The following CDADC1 variants were observed in gnomAD, a reference collection of about 807,000 sequenced individuals.
CDADC1 encodes the protein dCTP deaminase.
CDADC1 carries 39 observed loss-of-function variants against 54.9 expected under a neutral mutation model. That is an observed-to-expected ratio of 0.71 (90% CI 0.55 to 0.93). The LOEUF is 0.93. Among genes scored for constraint, CDADC1 ranks in the 40% least tolerant of loss-of-function variants. The probability of loss-of-function intolerance (pLI) is 0.00; values close to 1 mark genes in which losing one functional copy is unlikely to be tolerated. For synonymous variants in CDADC1, 186 were observed against 204.0 expected (o/e 0.91, Z 0.75); for missense variants, 518 against 618.8 (o/e 0.84, Z 1.73).
intron 6 of CDADC1, among the ~76,000 whole-genome samples, chr13:49,277,887 T>G (rs923472645): frequency 6.6e-6 from 1 of 152,198 alleles, no homozygotes; most frequent in Non-Finnish European, 1.5e-5. Flanking sequence ...TATTTAAAAG[T>G]TTTTGACTTG....
chr13:49,284,072 T>G (rs371922228), intron 8 of CDADC1, among the ~76,000 whole-genome samples: 1 of 152,212 alleles, frequency 6.6e-6, no homozygotes, highest in African/African-American at 2.4e-5. Flanking sequence ...ACCATAGACC[T>G]TGAGATAAGT....
intron 2 of CDADC1, among the ~76,000 whole-genome samples, chr13:49,254,801 G>A (rs1952507626): frequency 1.3e-5 from 2 of 152,176 alleles, no homozygotes; most frequent in Non-Finnish European, 2.9e-5. Flanking sequence ...CATAAGCCCT[G>A]TGAGAGCTGC....
Position 49,251,808 on chromosome 13 carries a change from A to G in CDADC1, c.177+2843A>G, listed in dbSNP as rs144672430. Among the ~76,000 whole-genome samples the G allele has an allele frequency of 1.0e-3, 155 of 152,140 alleles. 1 individual carries two copies. The highest frequency in any genetic ancestry group is 3.5e-3 in the African/African-American group (147 of 41,476). On this transcript the variant is annotated intron_variant, in intron 2 of 9. Coordinates refer to ENST00000251108, the MANE Select transcript of CDADC1 (RefSeq NM_030911.4). ...CTATATTAGCAACAAAATTTTATAC[A>G]ACTTTATATCATGTTTAACAAAAGA...
intron 9 of CDADC1, among the ~76,000 whole-genome samples, chr13:49,288,208 C>T (rs1029625388): frequency 7.9e-5 from 12 of 152,158 alleles, no homozygotes; most frequent in Admixed American, 4.6e-4. Context: ...ATGATGGTTA[C>T]ATATGTTTGC....
Position 49,286,293 on chromosome 13 carries a change from A to T in CDADC1, c.1471+11A>T. 1 of 1,601,434 alleles carries T rather than the reference A, an allele frequency of 6.2e-7. No homozygotes were observed. Among genetic ancestry groups the T allele is most frequent in the Non-Finnish European group, 8.6e-7 (1 of 1,168,488 alleles). Reference sequence around the variant, plus strand: ...CTGAAAGGAGAGAAAGTAAGTATTTATGTATTGAGGTGAACTTTGTTGCTG... The same window carrying T: ...CTGAAAGGAGAGAAAGTAAGTATTTTTGTATTGAGGTGAACTTTGTTGCTG... On this transcript the variant is annotated intron_variant, in intron 9 of 9. Coordinates refer to ENST00000251108, the MANE Select transcript of CDADC1 (RefSeq NM_030911.4).
chr13:49,289,333 G>A (rs1313888410), intron 9 of CDADC1, among the ~76,000 whole-genome samples: 1 of 151,898 alleles, frequency 6.6e-6, no homozygotes, highest in Non-Finnish European at 1.5e-5. Context: ...TCACCACGTT[G>A]GCTAGGCTAG....
chr13:49,290,105 A>C (rs1335286402), intron 9 of CDADC1, among the ~76,000 whole-genome samples: 2 of 151,832 alleles, frequency 1.3e-5, no homozygotes, highest in Non-Finnish European at 2.9e-5. Flanking sequence ...ATATACAGTA[A>C]AGTTATTGTT....
chr13:49,259,214 G>A, intron 3 of CDADC1, 132 bp from the exon 4 acceptor site: 1 of 668,960 alleles, frequency 1.5e-6, no homozygotes, highest in Non-Finnish European at 2.3e-6. Flanking sequence ...AATGAGAAAT[G>A]TGCTTTGTAC....
chr13:49,263,342 TTGG>T (rs1952729654), intron 4 of CDADC1, among the ~76,000 whole-genome samples: 1 of 152,288 alleles, frequency 6.6e-6, no homozygotes, highest in African/African-American at 2.4e-5. Context: ...TTTGATGGGA[TTGG>T]TGGTGATATT....
chr13:49,290,751 A>T (rs1026611323), intron 9 of CDADC1, among the ~76,000 whole-genome samples: 2 of 152,152 alleles, frequency 1.3e-5, no homozygotes, highest in Admixed American at 6.5e-5. Context: ...TGGGAGGCTG[A>T]GGTGGGAGGA....
At chr13:49,262,562 G>A (rs1298270703) in intron 4 of CDADC1, among the ~76,000 whole-genome samples, 4 of 151,876 alleles carry the variant, frequency 2.6e-5, no homozygotes, top group Admixed American at 1.3e-4. Flanking sequence ...ACAGAGTCTC[G>A]CTCTGTCACC....
rs774328823 is a variant in CDADC1 at position 49,280,624 on chromosome 13, G to A, written c.1336G>A (p.Val446Ile). Residue 446 changes from valine (V) to isoleucine (I), a missense_variant, in exon 8 of 10, where the codon GTA (valine) becomes ATA (isoleucine). By Grantham distance (29) the Val-to-Ile change is conservative. Transcript: ENST00000251108. ...AGIKQIYAGD[V>I]DVGKKKADIS... ...CATAAAACAAATCTATGCAGGAGAT[G>A]TAGATGTTGGAAAAAAGAAGGCAGA... 2 of 1,602,054 alleles carry A rather than the reference G, an allele frequency of 1.2e-6. No homozygotes were observed. Among genetic ancestry groups the A allele is most frequent in the Non-Finnish European group, 1.7e-6 (2 of 1,174,652 alleles).
At chr13:49,261,300 G>A (rs1346447062) in intron 4 of CDADC1, among the ~76,000 whole-genome samples, 1 of 152,170 alleles carries the variant, frequency 6.6e-6, no homozygotes, top group African/African-American at 2.4e-5. Flanking sequence ...CAAGTATTTC[G>A]AGCAGGTAGG....
Position 49,267,659 on chromosome 13 carries a change from GC to G in CDADC1, c.601del (p.Gln201SerfsTer3), listed in dbSNP as rs1952847604. ...LLQPLVCYMV[Q>X]FVEETSYKCD... ...TTCAACCTTTGGTGTGTTATATGGT[GC>G]AGTTTGTAGAGGAGACCTCTTACAA... On this transcript the variant is annotated frameshift_variant, in exon 5 of 10. Coordinates refer to ENST00000251108, the MANE Select transcript of CDADC1 (RefSeq NM_030911.4). LOFTEE classifies it high-confidence loss of function. 1.2e-6 allele frequency: 2 copies of G among 1,614,118 alleles called. No individual in the cohort carries two copies. The highest frequency in any genetic ancestry group is 1.7e-6 in the Non-Finnish European group (2 of 1,180,000).
intron 5 of CDADC1, among the ~76,000 whole-genome samples, chr13:49,270,803 CCTA>C (rs1347227783): frequency 6.6e-6 from 1 of 152,142 alleles, no homozygotes; most frequent in African/African-American, 2.4e-5. Flanking sequence ...TTATGGAACA[CCTA>C]CTATGTGTCA....
intron 7 of CDADC1, among the ~76,000 whole-genome samples, chr13:49,278,848 C>G (rs1953227624): frequency 6.6e-6 from 1 of 152,146 alleles, no homozygotes; most frequent in Non-Finnish European, 1.5e-5. Flanking sequence ...TTTTCTAAAT[C>G]TGGAGCACGC....
intron 5 of CDADC1, among the ~76,000 whole-genome samples, chr13:49,273,221 G>A (rs1953015708): frequency 6.6e-6 from 1 of 152,070 alleles, no homozygotes; most frequent in South Asian, 2.1e-4. Context: ...CTGGAAAGTA[G>A]GTATTTAAAA....
chr13:49,259,387 T>C lies in CDADC1; in HGVS notation c.294T>C (p.Ile98=), dbSNP rs373879209. 1.2e-6 allele frequency: 2 copies of C among 1,613,310 alleles called. No homozygotes were observed. Among genetic ancestry groups the C allele is most frequent in the African/African-American group, 2.7e-5 (2 of 75,034 alleles). The change falls in exon 4 of 10, where the codon ATT becomes ATC. Residue 98 remains isoleucine (I), a synonymous_variant. Transcript: ENST00000251108. ...TGLVVVKNMK[I]VGLHCSSEDL... ...TTGTGGTGGTGAAAAACATGAAAAT[T>C]GTTGGTCTCCACTGTTCTAGTGAAG...
Position 49,292,891 on chromosome 13 carries a change from T to G in CDADC1, c.*1134T>G. 1 of 767,452 alleles carries G rather than the reference T, an allele frequency of 1.3e-6. No homozygotes were observed. The highest frequency in any genetic ancestry group is 1.8e-6 in the Non-Finnish European group (1 of 545,828). The allele number at this position is 767,452 out of a possible 1,614,324, so 47.5% of individuals were successfully genotyped here. A position where few individuals can be genotyped will look rare whatever the true frequency, so the allele number is the denominator to read the frequency against. Reference sequence around the variant, plus strand: ...TTTCCGCCACATCACACGGCCTCACTGGGCTTCCTACCAGTTTCTCAGAAT... The same window carrying G: ...TTTCCGCCACATCACACGGCCTCACGGGGCTTCCTACCAGTTTCTCAGAAT... On this transcript the variant is annotated 3_prime_UTR_variant, in exon 10 of 10. Coordinates refer to ENST00000251108, the MANE Select transcript of CDADC1 (RefSeq NM_030911.4).
Sources: gnomAD v4.1 joint callset for allele counts (sites outside exome capture counted in the v4.1 genomes callset) on GRCh38, gnomAD v4.1.1 for gene constraint, MANE v1.5 for transcripts, NCBI Gene and HGNC (gene_info 2026-07-23, HGNC 2026-07-21) for gene names.